The following SLC35D2 variants were observed in gnomAD, a reference collection of about 807,000 sequenced individuals.
SLC35D2 encodes solute carrier family 35 member D2, also known as nucleotide sugar transporter SLC35D2.
Under a neutral mutation model 41.8 loss-of-function variants are expected in SLC35D2, and 43 were observed. The observed-to-expected ratio is 1.03, with a 90% CI of 0.81 to 1.33. SLC35D2 has a LOEUF of 1.33. Among genes scored for constraint, SLC35D2 ranks in the 40% most tolerant of loss-of-function variants. The probability of loss-of-function intolerance (pLI) is 0.00; values close to 1 mark genes in which losing one functional copy is unlikely to be tolerated. For synonymous variants in SLC35D2, 150 were observed against 163.9 expected, an observed-to-expected ratio of 0.92 and a Z score of 0.65; for missense variants, 380 against 408.4, an observed-to-expected ratio of 0.93 and a Z score of 0.60.
At chr9:96,356,085 C>G (rs1830008861) in intron 4 of SLC35D2, among the ~76,000 whole-genome samples, 1 of 152,162 alleles carries the variant, frequency 6.6e-6, no homozygotes, top group Non-Finnish European at 1.5e-5. Context: ...AGTGAGTTCT[C>G]ACTCTGTTAA....
intron 1 of SLC35D2, among the ~76,000 whole-genome samples, chr9:96,372,794 C>T (rs1830764380): frequency 6.6e-6 from 1 of 150,998 alleles, no homozygotes; most frequent in Non-Finnish European, 1.5e-5. Context: ...CCATGTTAGC[C>T]AGGCTGGTCT....
chr9:96,329,205 T>TTA (rs918025587), intron 9 of SLC35D2, among the ~76,000 whole-genome samples: 2 of 151,998 alleles, frequency 1.3e-5, no homozygotes, highest in African/African-American at 2.4e-5. Context: ...ATATATACTT[T>TTA]TATATATATA....
downstream of SLC35D2, among the ~76,000 whole-genome samples, chr9:96,318,017 C>T (rs1446923085): frequency 1.4e-5 from 2 of 139,724 alleles, no homozygotes; most frequent in Non-Finnish European, 3.0e-5. Flanking sequence ...GACTGGGAGA[C>T]AGAGCAAGAC....
intron 9 of SLC35D2, among the ~76,000 whole-genome samples, chr9:96,334,860 T>C (rs1168991632): frequency 6.6e-6 from 1 of 152,204 alleles, no homozygotes; most frequent in African/African-American, 2.4e-5. Context: ...GTGAGAGTAT[T>C]CTAAATGAAC....
At chr9:96,323,980 C>A (rs1828383208) in intron 10 of SLC35D2, 111 bp downstream of exon 10, 2 of 856,224 alleles carry the variant, frequency 2.3e-6, no homozygotes, top group Non-Finnish European at 1.9e-6. Context: ...AAGGTCACAG[C>A]CCTCGTTCTT....
At chr9:96,347,662 G>A (rs914156750) in intron 6 of SLC35D2, among the ~76,000 whole-genome samples, 5 of 152,252 alleles carry the variant, frequency 3.3e-5, no homozygotes, top group Non-Finnish European at 5.9e-5. Flanking sequence ...TGTCAGAGGC[G>A]TGTGAACCCG....
At chr9:96,330,915 T>TTC (rs1828780010) in intron 9 of SLC35D2, among the ~76,000 whole-genome samples, 2 of 128,190 alleles carry the variant, frequency 1.6e-5, no homozygotes, top group South Asian at 2.9e-4. Context: ...TTTATTTATT[T>TTC]ATTTATTTAT....
chr9:96,326,696 T>C (rs1055169968), intron 9 of SLC35D2, among the ~76,000 whole-genome samples: 1 of 151,174 alleles, frequency 6.6e-6, no homozygotes, highest in Admixed American at 6.6e-5. Flanking sequence ...TCCCAGCTAC[T>C]CGGAGGCGCT....
At chr9:96,321,755 T>G (rs556474833) in intron 11 of SLC35D2, among the ~76,000 whole-genome samples, 1 of 152,260 alleles carries the variant, frequency 6.6e-6, no homozygotes, top group Non-Finnish European at 1.5e-5. Flanking sequence ...GGGCCTGCTG[T>G]GAGGAAGACA....
chr9:96,359,305 C>T (rs1281410343), intron 4 of SLC35D2, among the ~76,000 whole-genome samples: 2 of 144,790 alleles, frequency 1.4e-5, no homozygotes, highest in Admixed American at 1.4e-4. Flanking sequence ...GAGACTCCGT[C>T]TCAAAAAAAA....
chr9:96,338,864 A>G (rs1270698158), intron 8 of SLC35D2, among the ~76,000 whole-genome samples: 1 of 152,208 alleles, frequency 6.6e-6, no homozygotes, highest in East Asian at 1.9e-4. Flanking sequence ...CATGGGAAAC[A>G]CTTAGTGTCT....
At chr9:96,364,433 A>G (rs978141339) in intron 3 of SLC35D2, 31 bp downstream of exon 3, 4 of 1,256,668 alleles carry the variant, frequency 3.2e-6, no homozygotes, top group East Asian at 2.3e-5. Context: ...CACATCTTCT[A>G]TCACAGTCAT....
intron 9 of SLC35D2, among the ~76,000 whole-genome samples, chr9:96,333,594 CAAAAAAAAAA>C (rs573718212): frequency 2.6e-4 from 18 of 68,748 alleles, no homozygotes; most frequent in Non-Finnish European, 2.5e-4. Flanking sequence ...GACTCCGTCT[CAAAAAAAAAA>C]AAAAAAAAAA....
At chr9:96,333,301 A>G (rs1268527814) in intron 9 of SLC35D2, among the ~76,000 whole-genome samples, 1 of 151,726 alleles carries the variant, frequency 6.6e-6, no homozygotes, top group Non-Finnish European at 1.5e-5. Context: ...GGGGAAAAAA[A>G]GTATGGAATT....
At chr9:96,360,124 C>CT (rs1564115925) in intron 4 of SLC35D2, 30 bp downstream of exon 4, 1 of 1,576,608 alleles carries the variant, frequency 6.3e-7, no homozygotes. Context: ...AGGTGAGGAA[C>CT]TTTCCACCAG....
intron 8 of SLC35D2, among the ~76,000 whole-genome samples, chr9:96,342,709 G>A (rs1186855833): frequency 2.0e-5 from 3 of 152,146 alleles, no homozygotes; most frequent in Admixed American, 1.3e-4. Flanking sequence ...TGTGCCCGGG[G>A]ACGAGGTTGC....
At chr9:96,375,084 C>A (rs28630718) in intron 1 of SLC35D2, among the ~76,000 whole-genome samples, 1 of 149,632 alleles carries the variant, frequency 6.7e-6, no homozygotes, top group South Asian at 2.2e-4. Context: ...CTCTGCCTCC[C>A]GGGTTCAAGC....
rs114701284 is a variant in SLC35D2 at position 96,382,908 on chromosome 9, A to T, written c.158+569T>A. Among the ~76,000 whole-genome samples the T allele has an allele frequency of 2.6e-3, 401 of 152,354 alleles. 1 individual carries two copies. The highest frequency in any genetic ancestry group is 9.1e-3 in the African/African-American group (378 of 41,582). On this transcript the variant is annotated intron_variant, in intron 1 of 11. Transcript: ENST00000253270. ...CTGGGTCTAAATCCACAATTTTCTC[A>T]GTGCCGCTACAATGGTAGCAGAATT...
intron 4 of SLC35D2, among the ~76,000 whole-genome samples, chr9:96,353,785 C>T (rs1237576009): frequency 1.3e-5 from 2 of 152,242 alleles, no homozygotes; most frequent in Non-Finnish European, 2.9e-5. Context: ...AGAGATTCCA[C>T]GATGCAGCTC....
Sources: gnomAD v4.1 joint callset for allele counts (sites outside exome capture counted in the v4.1 genomes callset) on GRCh38, gnomAD v4.1.1 for gene constraint, MANE v1.5 for transcripts, NCBI Gene and HGNC (gene_info 2026-07-23, HGNC 2026-07-21) for gene names.